LVRN: variants seen among roughly 807,000 people sequenced by gnomAD.
The protein encoded by LVRN is laeverin.
Under a neutral mutation model 111.4 loss-of-function variants are expected in LVRN, and 99 were observed. The observed-to-expected ratio is 0.89, with a 90% CI of 0.76 to 1.05. The LOEUF is 1.05. Ranked by LOEUF, LVRN falls within the 50% of genes least tolerant of loss-of-function variation. LVRN has a pLI of 0.00. For missense variants in LVRN, 1,414 were observed against 1,206.8 expected (o/e 1.17, Z -2.54); for synonymous variants, 488 against 449.5 (o/e 1.09, Z -1.08).
intron 14 of LVRN, 146 bp downstream of exon 14, chr5:116,011,040 T>TAAAA (rs1748479958): frequency 0.18 from 43,253 of 237,476 alleles, 6,232 homozygotes; most frequent in Admixed American, 0.25. Flanking sequence ...AGTATATACA[T>TAAAA]TTCCTTAACA....
intron 4 of LVRN, among the ~76,000 whole-genome samples, chr5:115,991,168 G>A (rs1229058637): frequency 6.6e-6 from 1 of 152,088 alleles, no homozygotes; most frequent in African/African-American, 2.4e-5. Context: ...TAGTTTCACT[G>A]CCATAAAAAT....
rs770900081 is a variant in LVRN at position 116,010,592 on chromosome 5, T to C, written c.2094-149T>C. On this transcript the variant is annotated intron_variant, in intron 13 of 19. Transcript: ENST00000357872. ...AACTTTGCTTGGGTTTCATCCTTTC[T>C]ATAAGATGGGACATTTACCTTCTCG... 1.7e-5 allele frequency: 14 copies of C among 829,594 alleles called. No homozygotes were observed. The Admixed American group carries it at 2.9e-4, about 17-fold the overall frequency. The allele number at this position is 829,594 out of a possible 1,614,324, so 51.4% of individuals were successfully genotyped here.
rs749938483 is a variant in LVRN at position 115,987,799 on chromosome 5, C to A, written c.979-14C>A. On this transcript the variant is annotated splice_polypyrimidine_tract_variant and intron_variant, in intron 3 of 19. Coordinates refer to ENST00000357872, the MANE Select transcript of LVRN (RefSeq NM_173800.5). ...ACTGGTTTTCCTAATCACTGCTTAA[C>A]TGTTTTGATTTAGATACGCATCTGG... The A allele has an allele frequency of 3.1e-6, 5 of 1,607,254 alleles. No individual in the cohort carries two copies.
chr5:116,023,413 T>A (rs952269365), intron 19 of LVRN: 3 of 152,196 alleles, frequency 2.0e-5, no homozygotes, highest in Admixed American at 6.5e-5. Context: ...GCACTCTCAG[T>A]TGCAGAAGGA....
intron 2 of LVRN, among the ~76,000 whole-genome samples, chr5:115,984,226 G>C (rs1011969219): frequency 2.0e-5 from 3 of 152,156 alleles, no homozygotes; most frequent in Non-Finnish European, 2.9e-5. Context: ...TGGGGCCTAG[G>C]CAGCTCTAGA....
At position 116,001,189 on chromosome 5, in the gene LVRN, G is replaced by A; in HGVS notation, c.1770G>A (p.Gln590=). ...ATGTGTCTACTGGCGTCATGAAACA[G>A]GAGCCATTTTATCTTGAAAACATTA... ...TLNVSTGVMK[Q]EPFYLENIKN... Residue 590 remains glutamine, a synonymous_variant, in exon 10 of 20, where the codon CAG becomes CAA. Coordinates refer to ENST00000357872, the MANE Select transcript of LVRN (RefSeq NM_173800.5). The A allele has an allele frequency of 6.2e-7, 1 of 1,613,986 alleles. No individual in the cohort carries two copies. Among genetic ancestry groups the A allele is most frequent in the Non-Finnish European group, 8.5e-7 (1 of 1,179,978 alleles).
At chr5:116,012,554 C>G (rs1748514167) in intron 15 of LVRN, 86 bp downstream of exon 15, 2 of 828,338 alleles carry the variant, frequency 2.4e-6, no homozygotes, top group African/African-American at 3.6e-5. Flanking sequence ...ATCTTCATAT[C>G]TGTTATTCAT....
Position 116,026,364 on chromosome 5 carries a change from A to C in LVRN, c.*246A>C. The C allele has an allele frequency of 2.1e-6, 1 of 486,412 alleles. No individual in the cohort carries two copies. Among genetic ancestry groups the C allele is most frequent in the South Asian group, 2.3e-5 (1 of 44,140 alleles). The allele number at this position is 486,412 out of a possible 1,614,324, so 30.1% of individuals were successfully genotyped here. A position where few individuals can be genotyped will look rare whatever the true frequency, so the allele number is the denominator to read the frequency against. On this transcript the variant is annotated 3_prime_UTR_variant, in exon 20 of 20. Transcript: ENST00000357872. ...TCACTTCATGTTGGGTTATAATCCC[A>C]CAGAATTTACTTTAAATGTCACGTA...
chr5:115,985,477 G>A (rs767491481), intron 3 of LVRN, among the ~76,000 whole-genome samples: 1 of 152,134 alleles, frequency 6.6e-6, no homozygotes, highest in Non-Finnish European at 1.5e-5. Context: ...ATGATTTCCA[G>A]AACAACAAGG....
intron 10 of LVRN, 44 bp downstream of exon 10, chr5:116,001,283 G>A: frequency 6.2e-7 from 1 of 1,602,684 alleles, no homozygotes; most frequent in Non-Finnish European, 8.5e-7. Flanking sequence ...CCTTGGGGTT[G>A]AGCTCTGACC....
chr5:115,993,462 C>T (rs1322129330), intron 5 of LVRN, among the ~76,000 whole-genome samples: 1 of 152,148 alleles, frequency 6.6e-6, no homozygotes, highest in African/African-American at 2.4e-5. Flanking sequence ...TTAAGAAATG[C>T]TATTCTAGCT....
chr5:115,965,367 C>A (rs984638760), intron 1 of LVRN, among the ~76,000 whole-genome samples: 1 of 152,034 alleles, frequency 6.6e-6, no homozygotes, highest in Non-Finnish European at 1.5e-5. Flanking sequence ...GATAGGTTGA[C>A]AACAATGTGA....
chr5:115,971,746 T>A (rs1039418219), intron 1 of LVRN, among the ~76,000 whole-genome samples: 4 of 152,118 alleles, frequency 2.6e-5, no homozygotes, highest in African/African-American at 7.2e-5. Flanking sequence ...TGAAACTAGG[T>A]GTTATTCATC....
intron 4 of LVRN, 82 bp from the exon 5 acceptor site, chr5:115,992,041 A>C: frequency 7.3e-7 from 1 of 1,369,582 alleles, no homozygotes; most frequent in Non-Finnish European, 9.9e-7. Flanking sequence ...TGGTAATTTT[A>C]TGATTTCATT....
intron 4 of LVRN, among the ~76,000 whole-genome samples, chr5:115,989,165 C>T (rs1747930180): frequency 6.6e-6 from 1 of 152,148 alleles, no homozygotes; most frequent in Non-Finnish European, 1.5e-5. Context: ...GATCATGTTA[C>T]TGTTCTCTGT....
chr5:116,015,243 A>G lies in LVRN; in HGVS notation c.2451-9A>G, dbSNP rs552114206. On this transcript the variant is annotated splice_polypyrimidine_tract_variant and intron_variant, in intron 16 of 19. Coordinates refer to ENST00000357872, the MANE Select transcript of LVRN (RefSeq NM_173800.5). The stretch of plus-strand genomic sequence containing the variant: ...TATGAAAAATATCATTTTATGTTAT[A>G]TTTTACAGAATACCTTATCCAATTA... 1.3e-6 allele frequency: 2 copies of G among 1,559,612 alleles called. No homozygotes were observed. The highest frequency in any genetic ancestry group is 1.4e-5 in the African/African-American group (1 of 72,266).
At chr5:115,978,237 G>A (rs1239814621) in intron 1 of LVRN, among the ~76,000 whole-genome samples, 2 of 152,160 alleles carry the variant, frequency 1.3e-5, no homozygotes, top group Admixed American at 1.3e-4. Context: ...CATGATGCTG[G>A]TGTCACAGAG....
In LVRN at chr5:115,962,598, G is replaced by A; in HGVS notation, c.-20G>A. 2.5e-6 allele frequency: 4 copies of A among 1,582,696 alleles called. No individual in the cohort carries two copies. The highest frequency in any genetic ancestry group is 3.4e-6 in the Non-Finnish European group (4 of 1,167,312). ...CACAGTCTCTGAGCTCCAGCCTCGC[G>A]CCTGAACCCGGTCCCTGCCATGGGG... On this transcript the variant is annotated 5_prime_UTR_variant, in exon 1 of 20. Transcript: ENST00000357872.
chr5:115,973,609 A>G (rs1561554094), intron 1 of LVRN, among the ~76,000 whole-genome samples: 2 of 152,192 alleles, frequency 1.3e-5, no homozygotes, highest in East Asian at 1.9e-4. Context: ...TAGGTTATCT[A>G]TTTCTTCATG....
Sources: allele counts gnomAD v4.1 joint callset (sites outside exome capture counted in the v4.1 genomes callset), GRCh38; gene constraint gnomAD v4.1.1; transcripts MANE v1.5; gene names NCBI Gene and HGNC (gene_info 2026-07-23, HGNC 2026-07-21).